ALDH1A2: variants seen among roughly 807,000 people sequenced by gnomAD.
ALDH1A2 encodes retinal dehydrogenase 2.
Under a neutral mutation model 60.3 loss-of-function variants are expected in ALDH1A2, and 27 were observed. The ratio of observed to expected loss-of-function variants is 0.45; its 90% confidence interval spans 0.33 to 0.62. ALDH1A2 has a LOEUF of 0.62. Among genes scored for constraint, ALDH1A2 ranks in the 20% least tolerant of loss-of-function variants. ALDH1A2 has a pLI of 0.02. For missense variants in ALDH1A2, 581 were observed against 643.8 expected (o/e 0.90, Z 1.06); for synonymous variants, 289 against 232.4 (o/e 1.24, Z -2.21).
chr15:58,036,961 G>C (rs1474847884), intron 1 of ALDH1A2, among the ~76,000 whole-genome samples: 1 of 151,694 alleles, frequency 6.6e-6, no homozygotes. Flanking sequence ...CAGCCGGCCT[G>C]ATCAGCCCTT....
intron 3 of ALDH1A2, among the ~76,000 whole-genome samples, chr15:58,012,711 A>C (rs575614257): frequency 6.6e-6 from 1 of 152,336 alleles, no homozygotes; most frequent in Admixed American, 6.5e-5. Flanking sequence ...TCCATAAAGG[A>C]ATCATTTTGT....
chr15:57,962,374 G>C (rs1369317803), intron 9 of ALDH1A2, among the ~76,000 whole-genome samples, 198 bp from the exon 10 acceptor site: 1 of 151,826 alleles, frequency 6.6e-6, no homozygotes, highest in East Asian at 1.9e-4. Flanking sequence ...CTAATATATC[G>C]ACGATTCCAA....
intron 7 of ALDH1A2, among the ~76,000 whole-genome samples, chr15:57,979,062 G>C (rs962062104): frequency 6.6e-6 from 1 of 152,046 alleles, no homozygotes; most frequent in African/African-American, 2.4e-5. Context: ...GGTGGTGTGG[G>C]GAGTTGGGGG....
intron 4 of ALDH1A2, among the ~76,000 whole-genome samples, chr15:58,010,047 G>A (rs1402734597): frequency 1.3e-5 from 2 of 152,036 alleles, no homozygotes; most frequent in Non-Finnish European, 2.9e-5. Context: ...GGGCCTTTAA[G>A]TTTTTTGTAT....
chr15:57,995,485 C>T (rs577449823), intron 4 of ALDH1A2, among the ~76,000 whole-genome samples: 3 of 152,108 alleles, frequency 2.0e-5, no homozygotes, highest in Non-Finnish European at 4.4e-5. Context: ...ACATGTAGAA[C>T]AGTTGTTTGA....
At chr15:57,970,821 G>A (rs1450717189) in intron 7 of ALDH1A2, among the ~76,000 whole-genome samples, 2 of 152,120 alleles carry the variant, frequency 1.3e-5, no homozygotes, top group African/African-American at 4.8e-5. Flanking sequence ...ATCCCAAACA[G>A]ATTTACTCTC....
At chr15:58,012,747 G>A (rs1895670396) in intron 3 of ALDH1A2, among the ~76,000 whole-genome samples, 1 of 152,110 alleles carries the variant, frequency 6.6e-6, no homozygotes, top group Admixed American at 6.5e-5. Context: ...AGATTCCTGA[G>A]GGGGATGGTA....
chr15:57,984,415 C>A (rs933785596), intron 7 of ALDH1A2, among the ~76,000 whole-genome samples: 1 of 152,172 alleles, frequency 6.6e-6, no homozygotes, highest in African/African-American at 2.4e-5. Context: ...TTGATGTGTA[C>A]AATTCAGTGG....
At position 57,955,043 on chromosome 15, in the gene ALDH1A2, T is replaced by C; in HGVS notation, c.*154A>G. 1 of 845,068 alleles carries C rather than the reference T, an allele frequency of 1.2e-6. No individual in the cohort carries two copies. The allele number at this position is 845,068 out of a possible 1,614,324, so 52.3% of individuals were successfully genotyped here. ...GAAACTGTACCCAGCTGGTTTGCTTTAGTTGTGCAGTGACCTGCCTGGCCT... is the reference window on the plus strand; with the variant it reads ...GAAACTGTACCCAGCTGGTTTGCTTCAGTTGTGCAGTGACCTGCCTGGCCT... On this transcript the variant is annotated 3_prime_UTR_variant, in exon 13 of 13. Transcript: ENST00000249750.
chr15:58,024,142 C>T (rs1896009022), intron 1 of ALDH1A2, among the ~76,000 whole-genome samples: 1 of 148,052 alleles, frequency 6.8e-6, no homozygotes, highest in Non-Finnish European at 1.5e-5. Flanking sequence ...GTATAAAACT[C>T]ATTTGTAAAG....
At chr15:58,013,178 C>G (rs1401233861) in intron 3 of ALDH1A2, among the ~76,000 whole-genome samples, 1 of 152,172 alleles carries the variant, frequency 6.6e-6, no homozygotes, top group Admixed American at 6.5e-5. Flanking sequence ...GAGGTCCGTA[C>G]CATCCCCTCT....
rs560454721 is a variant in ALDH1A2 at position 58,009,320 on chromosome 15, G to A, written c.493+1329C>T. Among the ~76,000 whole-genome samples the A allele has an allele frequency of 4.6e-5, 7 of 152,052 alleles. No homozygotes were observed. In the East Asian group the frequency reaches 1.4e-3, roughly 29 times the overall value. ...TCAGGCCCCACCCCAGACTTATTCA[G>A]TCAAAAACTGCACTTGAAAAAGACC... On this transcript the variant is annotated intron_variant, in intron 4 of 12. Coordinates refer to ENST00000249750, the MANE Select transcript of ALDH1A2 (RefSeq NM_003888.4).
chr15:58,001,034 TAAAAAAAA>T (rs10641902), intron 4 of ALDH1A2, among the ~76,000 whole-genome samples: 1 of 126,240 alleles, frequency 7.9e-6, no homozygotes. Flanking sequence ...TCAAAATTGT[TAAAAAAAA>T]AAAAAAAAAA....
chr15:58,057,360 G>C (rs1165893148), intron 1 of ALDH1A2, among the ~76,000 whole-genome samples: 2 of 151,668 alleles, frequency 1.3e-5, no homozygotes, highest in Admixed American at 1.3e-4. Context: ...TTATATAAAA[G>C]ATGTTACCAC....
At chr15:58,060,915 T>A (rs1346203871) in intron 1 of ALDH1A2, among the ~76,000 whole-genome samples, 1 of 152,220 alleles carries the variant, frequency 6.6e-6, no homozygotes, top group Non-Finnish European at 1.5e-5. Flanking sequence ...CTTGGGATAT[T>A]TACTGATTTT....
At chr15:58,025,179 T>C (rs1896045689) in intron 1 of ALDH1A2, among the ~76,000 whole-genome samples, 1 of 151,664 alleles carries the variant, frequency 6.6e-6, no homozygotes, top group African/African-American at 2.4e-5. Flanking sequence ...AAATAAATAA[T>C]AAAGATCAGA....
intron 7 of ALDH1A2, among the ~76,000 whole-genome samples, chr15:57,986,212 G>A (rs1313720452): frequency 6.6e-6 from 1 of 152,132 alleles, no homozygotes; most frequent in Non-Finnish European, 1.5e-5. Context: ...ATGGGACTAT[G>A]AATCTAGAGA....
intron 8 of ALDH1A2, chr15:57,964,940 A>T: frequency 6.6e-6 from 1 of 152,196 alleles, no homozygotes. Context: ...AAATTCAAGC[A>T]ATCTGCTTTT....
intron 7 of ALDH1A2, among the ~76,000 whole-genome samples, chr15:57,974,864 C>CATA (rs1894194253): frequency 6.6e-6 from 1 of 152,184 alleles, no homozygotes; most frequent in Non-Finnish European, 1.5e-5. Flanking sequence ...TAACAATTTT[C>CATA]ATAATTCAAC....
Sources: gnomAD v4.1 joint callset for allele counts (sites outside exome capture counted in the v4.1 genomes callset) on GRCh38, gnomAD v4.1.1 for gene constraint, MANE v1.5 for transcripts, NCBI Gene and HGNC (gene_info 2026-07-23, HGNC 2026-07-21) for gene names.